MBNL1: variants seen among roughly 807,000 people sequenced by gnomAD.
MBNL1 encodes the protein muscleblind like splicing regulator 1.
MBNL1 carries 8 observed loss-of-function variants against 42.2 expected under a neutral mutation model. That is an observed-to-expected ratio of 0.19 (90% confidence interval 0.11 to 0.34). MBNL1 has a LOEUF of 0.34. MBNL1 is among the 10% of genes least tolerant of loss of function. MBNL1 has a pLI of 1.00. For synonymous variants in MBNL1, 169 were observed against 173.9 expected (o/e 0.97, Z 0.22); for missense variants, 309 against 495.3 (o/e 0.62, Z 3.57).
chr3:152,286,471 TTATAA>T (rs929927225), intron 1 of MBNL1, among the ~76,000 whole-genome samples: 1 of 140,156 alleles, frequency 7.1e-6, no homozygotes, highest in Non-Finnish European at 1.6e-5. Context: ...TATATTTTAT[TTATAA>T]TATAAATATA....
At chr3:152,322,268 A>G (rs1309483044) in intron 2 of MBNL1, among the ~76,000 whole-genome samples, 1 of 152,070 alleles carries the variant, frequency 6.6e-6, no homozygotes, top group East Asian at 1.9e-4. Flanking sequence ...TATTTGTATT[A>G]AATTTAAAAT....
intron 1 of MBNL1, among the ~76,000 whole-genome samples, chr3:152,288,358 A>G (rs927086759): frequency 6.6e-6 from 1 of 152,226 alleles, no homozygotes; most frequent in Non-Finnish European, 1.5e-5. Context: ...CTCCTGACTC[A>G]GGAATGACTG....
chr3:152,327,760 A>T (rs2081340543), intron 2 of MBNL1, among the ~76,000 whole-genome samples: 1 of 151,834 alleles, frequency 6.6e-6, no homozygotes, highest in South Asian at 2.1e-4. Flanking sequence ...ATTTGGTATC[A>T]TATACTATAT....
At chr3:152,331,917 C>G (rs1167781568) in intron 2 of MBNL1, among the ~76,000 whole-genome samples, 2 of 152,230 alleles carry the variant, frequency 1.3e-5, no homozygotes, top group East Asian at 3.9e-4. Flanking sequence ...GTCTTGAACT[C>G]TTGACCTCAA....
intron 2 of MBNL1, among the ~76,000 whole-genome samples, chr3:152,410,841 T>C (rs1425561092): frequency 1.3e-5 from 2 of 152,254 alleles, no homozygotes; most frequent in African/African-American, 4.8e-5. Context: ...GCCAAGCTTT[T>C]ATTACATTAT....
intron 2 of MBNL1, among the ~76,000 whole-genome samples, chr3:152,379,964 CT>C (rs754097812): frequency 7.9e-5 from 12 of 152,040 alleles, no homozygotes; most frequent in Admixed American, 3.3e-4. Flanking sequence ...AAAACAGAAC[CT>C]AGAACCACAA....
In MBNL1 at chr3:152,389,446, A is replaced by G. The variant is rs138556528; in HGVS notation, c.175-25495A>G. ...GATATGTTCTGAGGAATGCATTGTT[A>G]GGTGATTTTGTCATTATGTAAACAT... On this transcript the variant is annotated intron_variant, in intron 2 of 9. Coordinates refer to ENST00000324210, the MANE Select transcript of MBNL1 (RefSeq NM_021038.5). Among the ~76,000 whole-genome samples the G allele has an allele frequency of 3.7e-3, 565 of 152,252 alleles. 3 individuals are homozygous for G. The highest frequency in any genetic ancestry group is 0.013 in the African/African-American group (541 of 41,534).
chr3:152,299,586 A>AT lies in MBNL1; in HGVS notation c.-606dup. 1 of 397,702 alleles carries AT rather than the reference A, an allele frequency of 2.5e-6. No homozygotes were observed. The highest frequency in any genetic ancestry group is 6.3e-4 in the Middle Eastern group (1 of 1,586). 24.6% of individuals were successfully genotyped at this position (397,702 alleles called of 1,614,324 possible). ...AAGAGAAAAGCTCTAAGTATCTGGC[A>AT]TTGCCCTAGGCTGCTTTAGTGTTAA... On this transcript the variant is annotated 5_prime_UTR_variant, in exon 2 of 10. Coordinates refer to ENST00000324210, the MANE Select transcript of MBNL1 (RefSeq NM_021038.5).
intron 3 of MBNL1, among the ~76,000 whole-genome samples, chr3:152,422,005 T>C (rs776458481): frequency 6.6e-6 from 1 of 151,832 alleles, no homozygotes; most frequent in Non-Finnish European, 1.5e-5. Flanking sequence ...CATTGACATA[T>C]GAAGAAACTG....
chr3:152,319,614 GT>G (rs202070328), intron 2 of MBNL1, among the ~76,000 whole-genome samples: 12 of 80,514 alleles, frequency 1.5e-4, no homozygotes, highest in Non-Finnish European at 2.5e-4. Flanking sequence ...GTTCTATACT[GT>G]TTTTTTTTTT....
intron 2 of MBNL1, among the ~76,000 whole-genome samples, chr3:152,390,163 A>C (rs985592279): frequency 6.6e-5 from 10 of 151,906 alleles, no homozygotes; most frequent in South Asian, 4.1e-4. Context: ...AAAAAAAAAA[A>C]AACTTACTGA....
chr3:152,319,517 C>G (rs550386763), intron 2 of MBNL1, among the ~76,000 whole-genome samples: 47 of 151,522 alleles, frequency 3.1e-4, no homozygotes, highest in Non-Finnish European at 5.5e-4. Context: ...ATTGACACAC[C>G]TGACAGATGA....
At position 152,465,023 on chromosome 3, in the gene MBNL1, A is replaced by G. The variant is rs1359625380; in HGVS notation, c.*2657A>G. Reference sequence around the variant, plus strand: ...TGTGGACAGCTTGTAGTTTGCCAGGATTTTTTCAGCTGGAAAGATACGCCA... The same window carrying G: ...TGTGGACAGCTTGTAGTTTGCCAGGGTTTTTTCAGCTGGAAAGATACGCCA... On this transcript the variant is annotated 3_prime_UTR_variant, in exon 10 of 10. Transcript: ENST00000324210. 2 of 152,522 alleles carry G rather than the reference A, an allele frequency of 1.3e-5. No individual in the cohort carries two copies. The highest frequency in any genetic ancestry group is 2.9e-5 in the Non-Finnish European group (2 of 68,020). 9.4% of individuals were successfully genotyped at this position (152,522 alleles called of 1,614,324 possible). A position where few individuals can be genotyped will look rare whatever the true frequency, so the allele number is the denominator to read the frequency against.
intron 2 of MBNL1, among the ~76,000 whole-genome samples, chr3:152,249,536 A>G (rs1486341570): frequency 7.9e-6 from 1 of 126,084 alleles, no homozygotes; most frequent in Non-Finnish European, 1.7e-5. Flanking sequence ...TCAGATGAGT[A>G]GGTTGCGAAA....
chr3:152,346,424 G>A (rs1284372100), intron 2 of MBNL1, among the ~76,000 whole-genome samples: 4 of 151,824 alleles, frequency 2.6e-5, no homozygotes. Context: ...TTTTAAAAAC[G>A]CAGTTTTCCT....
intron 2 of MBNL1, chr3:152,340,844 G>A (rs1353985657): frequency 2.5e-6 from 4 of 1,613,798 alleles, no homozygotes; most frequent in Non-Finnish European, 3.4e-6. Context: ...AAAGCAGCCA[G>A]TGCTGCATAG....
intron 2 of MBNL1, among the ~76,000 whole-genome samples, chr3:152,330,855 G>A (rs1196582366): frequency 6.6e-6 from 1 of 151,974 alleles, no homozygotes; most frequent in African/African-American, 2.4e-5. Context: ...TATATTTAGG[G>A]GTTGTTACTG....
At chr3:152,340,779 T>C (rs755514873) in intron 2 of MBNL1, 1 of 1,614,046 alleles carries the variant, frequency 6.2e-7, no homozygotes, top group East Asian at 2.2e-5. Context: ...TGAAGAAGAA[T>C]CCAGCAGAAG....
intron 2 of MBNL1, among the ~76,000 whole-genome samples, chr3:152,402,864 GT>G (rs745730309): frequency 1.3e-5 from 2 of 152,144 alleles, no homozygotes; most frequent in African/African-American, 2.4e-5. Context: ...CACTTATGGG[GT>G]TTTCTTGGCC....
Sources: gnomAD v4.1 joint callset for allele counts (sites outside exome capture counted in the v4.1 genomes callset) on GRCh38, gnomAD v4.1.1 for gene constraint, MANE v1.5 for transcripts, NCBI Gene and HGNC (gene_info 2026-07-23, HGNC 2026-07-21) for gene names.